The following NFATC2 variants were observed in gnomAD, a reference collection of about 807,000 sequenced individuals.
NFATC2 encodes the protein nuclear factor of activated T cells 2.
NFATC2 carries 22 observed loss-of-function variants against 87.3 expected under a neutral mutation model. The ratio of observed to expected loss-of-function variants is 0.25; its 90% CI spans 0.18 to 0.36. NFATC2 has a LOEUF of 0.36. NFATC2 is among the 10% of genes least tolerant of loss of function. The pLI is 1.00. For synonymous variants in NFATC2, 565 were observed against 542.2 expected, an observed-to-expected ratio of 1.04 and a Z score of -0.58; for missense variants, 1,149 against 1,259.1, an observed-to-expected ratio of 0.91 and a Z score of 1.32.
rs947662159 is a variant in NFATC2, at chr20:51,390,668, G to C, written c.*828C>G. ...GCTCGCCAAGACAGCTCCAGGGCTA[G>C]GTGCCCTGGTCAGCCTTTTAAAGCA... On this transcript the variant is annotated 3_prime_UTR_variant, in exon 11 of 11. Coordinates refer to ENST00000371564, the MANE Select transcript of NFATC2 (RefSeq NM_012340.5). 1 of 153,810 alleles carries C rather than the reference G, an allele frequency of 6.5e-6. No homozygotes were observed. The highest frequency in any genetic ancestry group is 1.4e-5 in the Non-Finnish European group (1 of 69,150). 9.5% of individuals were successfully genotyped at this position (153,810 alleles called of 1,614,324 possible).
Position 51,486,135 on chromosome 20 carries a change from C to T in NFATC2, c.1333-10475G>A, listed in dbSNP as rs139113150. Among the ~76,000 whole-genome samples, 65 of 152,002 alleles carry T rather than the reference C, an allele frequency of 4.3e-4. No individual in the cohort carries two copies. The Middle Eastern group carries it at 0.01, about 24-fold the overall frequency. ...CTGAGACATGAGAATCGCTTGAACC[C>T]GGGAGGCAGAGGTTGCAGTAAGCCA... On this transcript the variant is annotated intron_variant, in intron 3 of 10. Coordinates refer to ENST00000371564, the MANE Select transcript of NFATC2 (RefSeq NM_012340.5).
At chr20:51,543,974 AATTTTTTTTTTTT>A (rs1053693995), upstream of NFATC2, among the ~76,000 whole-genome samples, 2 of 79,144 alleles carry the variant, frequency 2.5e-5, no homozygotes, top group African/African-American at 1.1e-4. Context: ...CAGAATTCCT[AATTTTTTTTTTTT>A]TTTTTTTTTT....
At chr20:51,430,847 T>C (rs1982601864) in intron 9 of NFATC2, among the ~76,000 whole-genome samples, 1 of 152,220 alleles carries the variant, frequency 6.6e-6, no homozygotes, top group Non-Finnish European at 1.5e-5. Flanking sequence ...TTCCTACCCC[T>C]TGGCTGGGCT....
chr20:51,403,136 C>T (rs527830526), intron 9 of NFATC2, among the ~76,000 whole-genome samples: 29 of 152,318 alleles, frequency 1.9e-4, no homozygotes, highest in African/African-American at 6.7e-4. Context: ...CAGTTTCTTC[C>T]ACAAACCTTT....
At chr20:51,531,028 G>C (rs2076624706) in intron 1 of NFATC2, among the ~76,000 whole-genome samples, 1 of 152,216 alleles carries the variant, frequency 6.6e-6, no homozygotes, top group African/African-American at 2.4e-5. Flanking sequence ...GCTAGGCATT[G>C]TTATAAGCAC....
chr20:51,500,398 G>C (rs193195280), intron 3 of NFATC2, among the ~76,000 whole-genome samples: 19 of 152,064 alleles, frequency 1.2e-4, no homozygotes, highest in African/African-American at 4.6e-4. Context: ...AAGTTGAAGA[G>C]AAGTTGGAAC....
At chr20:51,475,714 C>T in intron 3 of NFATC2, 54 bp from the exon 4 acceptor site, 1 of 1,553,896 alleles carries the variant, frequency 6.4e-7, no homozygotes, top group Non-Finnish European at 8.8e-7. Flanking sequence ...GGCTCTAATC[C>T]AATAAACAAA....
intron 6 of NFATC2, among the ~76,000 whole-genome samples, chr20:51,447,848 G>GA (rs1324148156): frequency 1.3e-5 from 2 of 152,232 alleles, no homozygotes; most frequent in Non-Finnish European, 2.9e-5. Flanking sequence ...GACATGACTA[G>GA]AAAAAATTAC....
intron 9 of NFATC2, among the ~76,000 whole-genome samples, chr20:51,426,010 G>A (rs1981770560): frequency 6.6e-6 from 1 of 152,166 alleles, no homozygotes; most frequent in African/African-American, 2.4e-5. Flanking sequence ...AGGAAGCGGG[G>A]GGAGGGAGCC....
chr20:51,518,885 C>T (rs1414180272), intron 2 of NFATC2, among the ~76,000 whole-genome samples: 1 of 152,026 alleles, frequency 6.6e-6, no homozygotes, highest in Non-Finnish European at 1.5e-5. Flanking sequence ...ACTGTAGCCT[C>T]AAACTCCTGG....
intron 6 of NFATC2, among the ~76,000 whole-genome samples, chr20:51,440,176 C>T (rs2146369326): frequency 1.5e-5 from 2 of 137,400 alleles, no homozygotes; most frequent in East Asian, 4.4e-4. Context: ...ATGGAGGTTG[C>T]AGTGAGCTGA....
At chr20:51,525,932 A>ACCC (rs2076538452) in intron 1 of NFATC2, among the ~76,000 whole-genome samples, 3 of 35,040 alleles carry the variant, frequency 8.6e-5, no homozygotes, top group Admixed American at 2.7e-4. Flanking sequence ...CACCCCCACC[A>ACCC]CTCCCCACTT....
rs965211352 is a variant in NFATC2 at position 51,480,204 on chromosome 20, C to T, written c.1333-4544G>A. 2.6e-5 allele frequency among the ~76,000 whole-genome samples: 4 copies of T among 152,086 alleles called. No homozygotes were observed. The highest frequency in any genetic ancestry group is 5.9e-5 in the Non-Finnish European group (4 of 68,012). On this transcript the variant is annotated intron_variant, in intron 3 of 10. Transcript: ENST00000371564. The surrounding 1 kb of genome is among the most constrained non-coding windows in gnomAD (Gnocchi z 4.2). ...TCAGGAGACCAAGGCAGGAGAATCA[C>T]TTGAACCCGGGGGTTGGAGGTGGCA...
intron 3 of NFATC2, among the ~76,000 whole-genome samples, chr20:51,483,192 G>A (rs1989411835): frequency 6.6e-6 from 1 of 151,866 alleles, no homozygotes; most frequent in Non-Finnish European, 1.5e-5. Flanking sequence ...CTTGCAAGTG[G>A]CACGTCTCTG....
chr20:51,557,011 C>T (rs978550589), intron 1 of NFATC2, among the ~76,000 whole-genome samples: 13 of 152,188 alleles, frequency 8.5e-5, no homozygotes, highest in African/African-American at 2.7e-4. Context: ...TCCTCTTCAG[C>T]TCATCTTGGC....
intron 3 of NFATC2, among the ~76,000 whole-genome samples, chr20:51,508,556 C>T (rs1462526398): frequency 6.6e-6 from 1 of 152,070 alleles, no homozygotes; most frequent in Admixed American, 6.6e-5. Flanking sequence ...AAAAGTCGGC[C>T]TCAGAACCCC....
intron 3 of NFATC2, among the ~76,000 whole-genome samples, chr20:51,515,534 A>G (rs1038572635): frequency 3.4e-4 from 52 of 152,230 alleles, no homozygotes; most frequent in African/African-American, 1.2e-3. Context: ...GAAAGTTCAG[A>G]ATGTCTACCA....
chr20:51,547,085 G>A (rs2076895464), upstream of NFATC2, among the ~76,000 whole-genome samples: 1 of 152,192 alleles, frequency 6.6e-6, no homozygotes, highest in Non-Finnish European at 1.5e-5. Context: ...AACAACTGGA[G>A]AGTGTTAGGC....
At chr20:51,540,658 G>GTT (rs397864888) in intron 1 of NFATC2, among the ~76,000 whole-genome samples, 4 of 110,052 alleles carry the variant, frequency 3.6e-5, no homozygotes, top group Admixed American at 9.4e-5. Context: ...TTTTTTTTTT[G>GTT]TTTTTTTTTT....
Sources: allele counts gnomAD v4.1 joint callset (sites outside exome capture counted in the v4.1 genomes callset), GRCh38; gene constraint gnomAD v4.1.1; non-coding constraint Gnocchi (gnomAD v3.1); transcripts MANE v1.5; gene names NCBI Gene and HGNC (gene_info 2026-07-23, HGNC 2026-07-21).